CUBN: variants seen among roughly 807,000 people sequenced by gnomAD.
CUBN encodes the protein 460 kDa receptor.
A neutral mutation model predicts 405.3 loss-of-function variants in CUBN; 282 were observed. The ratio of observed to expected loss-of-function variants is 0.70; its 90% confidence interval spans 0.63 to 0.77. The LOEUF (loss-of-function observed/expected upper bound fraction) is 0.77, where lower values mean the gene tolerates loss of function less well. Ranked by LOEUF, CUBN falls within the 30% of genes least tolerant of loss-of-function variation. The pLI is 0.00. For missense variants in CUBN, 4,514 were observed against 4,475.2 expected (o/e 1.01, Z -0.25); for synonymous variants, 1,684 against 1,617.0 (o/e 1.04, Z -0.99).
Position 16,835,112 on chromosome 10 carries a change from T to G in CUBN, c.10264A>C (p.Thr3422Pro). The G allele has an allele frequency of 6.2e-7, 1 of 1,614,106 alleles. No individual in the cohort carries two copies. Among genetic ancestry groups the G allele is most frequent in the Non-Finnish European group, 8.5e-7 (1 of 1,179,996 alleles). ...TTCTGGGGGGCTGTGAGAGTAACGG[T>G]GCAATCCTTGTCATTGTCGTAGTTA... is the stretch of plus-strand genomic sequence containing the variant. ...PDNYDNDKDC[T>P]VTLTAPQNHT... Residue 3422 changes from threonine (T) to proline (P), a missense_variant, in exon 64 of 67, where the codon ACC (threonine) becomes CCC (proline). Coordinates refer to ENST00000377833, the MANE Select transcript of CUBN (RefSeq NM_001081.4).
chr10:17,013,487 C>G (rs190819471), intron 28 of CUBN, among the ~76,000 whole-genome samples: 1 of 152,134 alleles, frequency 6.6e-6, no homozygotes, highest in Non-Finnish European at 1.5e-5. Context: ...CTGCCAGCCA[C>G]TTATGCTGCT....
At chr10:16,918,884 A>T in intron 44 of CUBN, 84 bp from the exon 45 acceptor site, 1 of 1,203,176 alleles carries the variant, frequency 8.3e-7, no homozygotes, top group East Asian at 2.5e-5. Flanking sequence ...TTCTTTGAAG[A>T]TATTATTAAA....
In CUBN at chr10:16,901,478, C is replaced by G. The variant is rs751249650; in HGVS notation, c.8063-19G>C. ...CCACAATCTGAAATGAGATTGGTAA[C>G]CCTCTCAATAAAACAGAAGTAAAAA... On this transcript the variant is annotated intron_variant, in intron 51 of 66. Coordinates refer to ENST00000377833, the MANE Select transcript of CUBN (RefSeq NM_001081.4). 1.2e-6 allele frequency: 2 copies of G among 1,613,904 alleles called. No homozygotes were observed. Among genetic ancestry groups the G allele is most frequent in the South Asian group, 1.1e-5 (1 of 91,078 alleles).
At position 17,044,995 on chromosome 10, in the gene CUBN, CATT is replaced by C. The variant is rs1170285055; in HGVS notation, c.3672+9_3672+11del. The C allele has an allele frequency of 1.2e-6, 2 of 1,612,538 alleles. No individual in the cohort carries two copies. The highest frequency in any genetic ancestry group is 2.7e-5 in the African/African-American group (2 of 74,820). Reference sequence around the variant, plus strand: ...GGAGCAGGGAACAATATGATGGAAACATTATACATACAGCCAGGTAATCTAAAG... The same window carrying C: ...GGAGCAGGGAACAATATGATGGAAACATACATACAGCCAGGTAATCTAAAG... On this transcript the variant is annotated intron_variant, in intron 25 of 66. Coordinates refer to ENST00000377833, the MANE Select transcript of CUBN (RefSeq NM_001081.4).
At chr10:16,892,210 C>CT (rs1276169987) in intron 54 of CUBN, among the ~76,000 whole-genome samples, 10 of 152,154 alleles carry the variant, frequency 6.6e-5, no homozygotes, top group African/African-American at 2.4e-4. Context: ...GGGTATCCAG[C>CT]TGTTAGTCAT....
intron 28 of CUBN, among the ~76,000 whole-genome samples, chr10:17,013,742 G>A (rs1834251413): frequency 6.6e-6 from 1 of 152,186 alleles, no homozygotes; most frequent in South Asian, 2.1e-4. Flanking sequence ...GCTCGAGTAA[G>A]TGCCACTAGT....
intron 66 of CUBN, among the ~76,000 whole-genome samples, chr10:16,826,725 A>C (rs1458221657): frequency 6.6e-6 from 1 of 152,210 alleles, no homozygotes; most frequent in East Asian, 1.9e-4. Flanking sequence ...AATGGCCGTC[A>C]CTTCTCTCAG....
chr10:17,035,505 T>C (rs1227898620), intron 27 of CUBN, among the ~76,000 whole-genome samples: 1 of 152,288 alleles, frequency 6.6e-6, no homozygotes, highest in Non-Finnish European at 1.5e-5. Context: ...GTTTAGAAGA[T>C]AAAAGAGTCA....
At position 16,836,397 on chromosome 10, in the gene CUBN, G is replaced by A. The variant is rs549395583; in HGVS notation, c.10033-15C>T. The A allele has an allele frequency of 6.2e-6, 10 of 1,612,780 alleles. No individual in the cohort carries two copies. Among genetic ancestry groups the A allele is most frequent in the East Asian group, 2.2e-5 (1 of 44,880 alleles). On this transcript the variant is annotated splice_polypyrimidine_tract_variant and intron_variant, in intron 62 of 66. Transcript: ENST00000377833. ...TTTCCGTGACCCTGAAATGAAATGG[G>A]AGCCAAATCATGTTAGATTTAGTCT...
intron 59 of CUBN, 54 bp from the exon 60 acceptor site, chr10:16,851,497 T>C (rs1839683851): frequency 1.4e-6 from 2 of 1,474,308 alleles, no homozygotes; most frequent in Admixed American, 1.7e-5. Flanking sequence ...GACCTTACAT[T>C]GTACATGGAG....
At chr10:17,033,187 A>T (rs571591917) in intron 27 of CUBN, among the ~76,000 whole-genome samples, 1 of 152,296 alleles carries the variant, frequency 6.6e-6, no homozygotes, top group African/African-American at 2.4e-5. Flanking sequence ...TCTGCAGGCC[A>T]GGTCCCTGTC....
intron 26 of CUBN, 140 bp downstream of exon 26, chr10:17,043,687 G>T (rs556838282): frequency 2.6e-6 from 3 of 1,146,456 alleles, no homozygotes; most frequent in Non-Finnish European, 2.6e-6. Context: ...ATTTCAGTTT[G>T]TTTCAAGAAT....
rs537917654 is a variant in CUBN, at chr10:17,104,701, T to A, written c.1231-96A>T. ...ATAGGAATGTAGTGCCATGGAGATA[T>A]ATAATATATAATAATTATATAATTA... On this transcript the variant is annotated intron_variant, in intron 11 of 66. Coordinates refer to ENST00000377833, the MANE Select transcript of CUBN (RefSeq NM_001081.4). 1.2e-5 allele frequency: 4 copies of A among 341,450 alleles called. No individual in the cohort carries two copies. In the East Asian group the frequency reaches 1.9e-4, roughly 16 times the overall value. 21.2% of individuals were successfully genotyped at this position (341,450 alleles called of 1,614,324 possible). A position where few individuals can be genotyped will look rare whatever the true frequency, so the allele number is the denominator to read the frequency against.
chr10:17,111,766 A>C (rs1836777413), intron 8 of CUBN, among the ~76,000 whole-genome samples: 1 of 152,190 alleles, frequency 6.6e-6, no homozygotes, highest in Non-Finnish European at 1.5e-5. Context: ...TGTACTAAAA[A>C]TACAAAAATC....
chr10:17,088,422 TAAGA>T (rs754527762), intron 14 of CUBN, 77 bp from the exon 15 acceptor site: 14 of 1,243,134 alleles, frequency 1.1e-5, no homozygotes, highest in Non-Finnish European at 1.6e-5. Context: ...GCCCTTGGCG[TAAGA>T]AGCCAAACTT....
Position 16,828,805 on chromosome 10 carries a change from G to A in CUBN, c.10764C>T (p.Gly3588=), listed in dbSNP as rs760540626. 6.3e-6 allele frequency: 10 copies of A among 1,597,042 alleles called. No individual in the cohort carries two copies. Among genetic ancestry groups the A allele is most frequent in the South Asian group, 3.3e-5 (3 of 90,734 alleles). The part of the protein sequence containing the change: ...SSPSSGPYCG[G]DTSIAPFVAS... The stretch of plus-strand genomic sequence containing the variant: ...AATATAAAATGTTTGTTTTACTCAC[G>A]CCTCCGCAGTATGGTCCAGAGGATG... Residue 3588 remains glycine (G), a splice_region_variant and synonymous_variant, in exon 66 of 67, where the codon GGC becomes GGT. Transcript: ENST00000377833.
chr10:17,020,427 A>T (rs1318927669), intron 27 of CUBN, among the ~76,000 whole-genome samples: 2 of 152,234 alleles, frequency 1.3e-5, no homozygotes, highest in Admixed American at 6.5e-5. Flanking sequence ...ATACTTTGAC[A>T]CAGGCATGCA....
In CUBN at chr10:17,001,287, C is replaced by T. The variant is rs376853151; in HGVS notation, c.4169-10772G>A. ...AACAAAGCTTCCACAGCGTGCAGGG[C>T]AACCCCAGTGGATTGCCACTGGTGC... On this transcript the variant is annotated intron_variant, in intron 28 of 66. Transcript: ENST00000377833. Among the ~76,000 whole-genome samples the T allele has an allele frequency of 9.8e-5, 15 of 152,324 alleles. No individual in the cohort carries two copies. In the South Asian group the frequency reaches 2.7e-3, roughly 27 times the overall value.
At chr10:17,027,568 T>C (rs540836933) in intron 27 of CUBN, among the ~76,000 whole-genome samples, 68 of 152,336 alleles carry the variant, frequency 4.5e-4, no homozygotes, top group African/African-American at 1.6e-3. Context: ...TCCTTTGTGA[T>C]CTGATAAATT....
Sources: allele counts gnomAD v4.1 joint callset (sites outside exome capture counted in the v4.1 genomes callset), GRCh38; gene constraint gnomAD v4.1.1; transcripts MANE v1.5; gene names NCBI Gene and HGNC (gene_info 2026-07-23, HGNC 2026-07-21).